The following CCDC102B variants were observed in gnomAD, a reference collection of about 807,000 sequenced individuals.
The protein encoded by CCDC102B is coiled-coil domain containing 102B.
CCDC102B carries 75 observed loss-of-function variants against 57.4 expected under a neutral mutation model. The ratio of observed to expected loss-of-function variants is 1.31; its 90% CI spans 1.08 to 1.58. The LOEUF (loss-of-function observed/expected upper bound fraction) is 1.58, where lower values mean the gene tolerates loss of function less well. Ranked by LOEUF, CCDC102B falls within the 40% of genes most tolerant of loss-of-function variation. The probability of loss-of-function intolerance (pLI) is 0.00; values close to 1 mark genes in which losing one functional copy is unlikely to be tolerated. For missense variants in CCDC102B, 636 were observed against 582.6 expected, an observed-to-expected ratio of 1.09 and a Z score of -0.94; for synonymous variants, 206 against 201.9, an observed-to-expected ratio of 1.02 and a Z score of -0.17.
At position 69,005,050 on chromosome 18, in the gene CCDC102B, A is replaced by T. The variant is rs193060719; in HGVS notation, c.1264-5884A>T. ...CTCTGGTTTCTGTATTTTCTGAGGT[A>T]AGAATTTGATATAGTAAGAATTTAT... On this transcript the variant is annotated intron_variant, in intron 6 of 7. Transcript: ENST00000360242. Among the ~76,000 whole-genome samples, 12 of 152,306 alleles carry T rather than the reference A, an allele frequency of 7.9e-5. No individual in the cohort carries two copies. In the East Asian group the frequency reaches 2.3e-3, roughly 29 times the overall value.
chr18:69,025,425 G>T (rs1321621335), intron 7 of CCDC102B, among the ~76,000 whole-genome samples: 3 of 152,314 alleles, frequency 2.0e-5, no homozygotes, highest in South Asian at 2.1e-4. Context: ...AGAGAAAATA[G>T]CTTTGGATGT....
At chr18:68,967,519 C>T (rs1278790106) in intron 6 of CCDC102B, among the ~76,000 whole-genome samples, 1 of 152,090 alleles carries the variant, frequency 6.6e-6, no homozygotes, top group Non-Finnish European at 1.5e-5. Flanking sequence ...AGGACAATTT[C>T]ATGAACAGTT....
upstream of CCDC102B, among the ~76,000 whole-genome samples, chr18:68,796,984 T>C (rs551028096): frequency 6.6e-6 from 1 of 151,996 alleles, no homozygotes; most frequent in East Asian, 1.9e-4. Flanking sequence ...AAAGTGAAAA[T>C]GACTGAATTA....
chr18:68,801,331 G>A (rs530415275), intron 1 of CCDC102B, among the ~76,000 whole-genome samples: 1 of 152,160 alleles, frequency 6.6e-6, no homozygotes, highest in African/African-American at 2.4e-5. Flanking sequence ...ATTGTAAAAT[G>A]GAAAACTAGA....
intron 4 of CCDC102B, among the ~76,000 whole-genome samples, chr18:68,872,066 A>AC (rs1351961368): frequency 1.5e-5 from 1 of 68,352 alleles, no homozygotes; most frequent in Non-Finnish European, 2.8e-5. Context: ...CATGTGAGAG[A>AC]ATAAAGAACA....
chr18:68,988,616 G>A (rs117073089), intron 6 of CCDC102B, among the ~76,000 whole-genome samples: 1,855 of 151,690 alleles, frequency 0.012, 24 homozygotes, highest in Non-Finnish European at 0.017. Flanking sequence ...GAATGAACTC[G>A]GAAATATAAT....
intron 2 of CCDC102B, among the ~76,000 whole-genome samples, chr18:68,752,480 A>G (rs1162850676): frequency 4.4e-5 from 2 of 45,354 alleles, no homozygotes; most frequent in Admixed American, 2.5e-4. Flanking sequence ...AAAATGTCTG[A>G]AAAAAAAAAA....
At chr18:69,017,281 A>AT (rs1159267171) in intron 7 of CCDC102B, among the ~76,000 whole-genome samples, 8 of 151,044 alleles carry the variant, frequency 5.3e-5, no homozygotes, top group South Asian at 2.1e-4. Context: ...ATGCCTGGCT[A>AT]TTTTTTTTGT....
At chr18:68,716,263 C>G (rs575803800) in intron 1 of CCDC102B, among the ~76,000 whole-genome samples, 1 of 150,766 alleles carries the variant, frequency 6.6e-6, no homozygotes, top group Non-Finnish European at 1.5e-5. Context: ...ACTTTCTTGG[C>G]AAGGTCTCTG....
chr18:69,001,367 G>A (rs890590441), intron 6 of CCDC102B, among the ~76,000 whole-genome samples: 1 of 152,008 alleles, frequency 6.6e-6, no homozygotes, highest in Non-Finnish European at 1.5e-5. Context: ...TAGATTACAG[G>A]TTGATTTTCT....
chr18:68,839,635 A>G (rs1283766422), intron 3 of CCDC102B, among the ~76,000 whole-genome samples: 1 of 152,176 alleles, frequency 6.6e-6, no homozygotes, highest in Non-Finnish European at 1.5e-5. Context: ...AAAGGCTGGC[A>G]ATGCATGGAA....
chr18:68,882,615 C>G (rs1037335191), intron 5 of CCDC102B, among the ~76,000 whole-genome samples: 2 of 152,130 alleles, frequency 1.3e-5, no homozygotes, highest in Non-Finnish European at 2.9e-5. Flanking sequence ...TTATTCCAGG[C>G]TCATATTTCA....
intron 6 of CCDC102B, among the ~76,000 whole-genome samples, chr18:69,009,552 A>T (rs2051444160): frequency 6.6e-6 from 1 of 152,166 alleles, no homozygotes; most frequent in Admixed American, 6.5e-5. Context: ...GATTGAATTT[A>T]TCATTTTGTG....
At chr18:68,733,611 T>G (rs1361695567) in intron 2 of CCDC102B, among the ~76,000 whole-genome samples, 1 of 151,444 alleles carries the variant, frequency 6.6e-6, no homozygotes, top group East Asian at 1.9e-4. Flanking sequence ...CAATAAACCC[T>G]TATATCAATC....
intron 6 of CCDC102B, among the ~76,000 whole-genome samples, chr18:68,984,979 T>C (rs1298952648): frequency 6.6e-6 from 1 of 151,736 alleles, no homozygotes; most frequent in East Asian, 1.9e-4. Context: ...GTTTTGGAGA[T>C]AATCTCAGTT....
At chr18:68,747,079 T>G (rs1425908322) in intron 2 of CCDC102B, among the ~76,000 whole-genome samples, 3 of 152,060 alleles carry the variant, frequency 2.0e-5, no homozygotes, top group African/African-American at 7.2e-5. Context: ...TTCTTGGTGT[T>G]GGGAATATTC....
At chr18:69,002,107 C>T (rs189574618) in intron 6 of CCDC102B, among the ~76,000 whole-genome samples, 204 of 152,224 alleles carry the variant, frequency 1.3e-3, no homozygotes, top group African/African-American at 4.6e-3. Context: ...ATTTTTTTCA[C>T]ACTCAGTGAA....
chr18:68,790,142 A>T (rs376415586), intron 2 of CCDC102B, among the ~76,000 whole-genome samples: 2 of 144,600 alleles, frequency 1.4e-5, no homozygotes, highest in Admixed American at 6.8e-5. Flanking sequence ...TAGGCTGCTC[A>T]GGGGTCAGGG....
rs923567166 is a variant in CCDC102B at position 69,037,050 on chromosome 18, CACAT to C, written c.1435-16970_1435-16967del. Among the ~76,000 whole-genome samples the C allele has an allele frequency of 1.5e-4, 22 of 149,830 alleles. No individual in the cohort carries two copies. In the Middle Eastern group the frequency reaches 0.014, roughly 94 times the overall value. On this transcript the variant is annotated intron_variant, in intron 7 of 7. Transcript: ENST00000360242. ...ATATACACACACACACACACACACA[CACAT>C]ACATACATATATACACGCACATACA...
Sources: gnomAD v4.1 joint callset for allele counts (sites outside exome capture counted in the v4.1 genomes callset) on GRCh38, gnomAD v4.1.1 for gene constraint, MANE v1.5 for transcripts, NCBI Gene and HGNC (gene_info 2026-07-23, HGNC 2026-07-21) for gene names.